RP1: variants seen among roughly 807,000 people sequenced by gnomAD.
RP1 encodes oxygen-regulated protein 1.
Under a neutral mutation model 14.8 loss-of-function variants are expected in RP1, and 16 were observed. The ratio of observed to expected loss-of-function variants is 1.08; its 90% CI spans 0.73 to 1.65. RP1 has a LOEUF of 1.65. Among genes scored for constraint, RP1 ranks in the 40% most tolerant of loss-of-function variants. The pLI, the probability that RP1 is intolerant of heterozygous loss-of-function variation, is 0.00. For synonymous variants in RP1, 876 were observed against 883.6 expected, an observed-to-expected ratio of 0.99 and a Z score of 0.15; for missense variants, 2,631 against 2,535.0, an observed-to-expected ratio of 1.04 and a Z score of -0.81.
intron 19 of RP1, among the ~76,000 whole-genome samples, chr8:54,752,773 G>T (rs921742082): frequency 6.6e-6 from 1 of 152,166 alleles, no homozygotes; most frequent in African/African-American, 2.4e-5. Context: ...GGATGTTGGA[G>T]GAAAACTGGA....
intron 28 of RP1, among the ~76,000 whole-genome samples, chr8:54,867,221 G>A (rs1812478378): frequency 6.6e-6 from 1 of 152,114 alleles, no homozygotes; most frequent in South Asian, 2.1e-4. Context: ...TTCGATTCTA[G>A]GAAATAGTCA....
intron 4 of RP1, among the ~76,000 whole-genome samples, chr8:54,651,311 G>A (rs1016275264): frequency 3.3e-5 from 5 of 152,032 alleles, no homozygotes; most frequent in African/African-American, 9.7e-5. Flanking sequence ...GAGTTAAAAA[G>A]TATTTCCACC....
upstream of RP1, among the ~76,000 whole-genome samples, chr8:54,614,873 C>T (rs1805679339): frequency 6.6e-6 from 1 of 152,110 alleles, no homozygotes; most frequent in African/African-American, 2.4e-5. Flanking sequence ...CAAAACAGAA[C>T]TGATCAATGT....
chr8:54,871,163 G>A (rs548376535), exon 29 of RP1: 1 of 150,472 alleles, frequency 6.6e-6, no homozygotes, highest in African/African-American at 2.4e-5. Flanking sequence ...AAATATCCAT[G>A]AAATCACTGA....
At chr8:54,688,611 T>A (rs1228068263) in intron 12 of RP1, among the ~76,000 whole-genome samples, 1 of 152,192 alleles carries the variant, frequency 6.6e-6, no homozygotes, top group African/African-American at 2.4e-5. Flanking sequence ...TTGTCAAAGA[T>A]CAGATGGTTG....
exon 28 of RP1, chr8:54,865,909 T>C: frequency 8.2e-7 from 1 of 1,221,528 alleles, no homozygotes; most frequent in East Asian, 3.2e-5. Context: ...GCTGTTTCTA[T>C]GCAACAGGTA....
chr8:54,584,395 T>C (rs1804868017), intron 1 of RP1, among the ~76,000 whole-genome samples: 1 of 152,224 alleles, frequency 6.6e-6, no homozygotes, highest in Non-Finnish European at 1.5e-5. Context: ...TTCTTTTGCA[T>C]TTGCTCAGGA....
rs772370251 is a variant in RP1 at position 54,621,580 on chromosome 8, G to A, written c.614G>A (p.Arg205Lys). 1.2e-6 allele frequency: 2 copies of A among 1,614,154 alleles called. No homozygotes were observed. The highest frequency in any genetic ancestry group is 1.7e-6 in the Non-Finnish European group (2 of 1,180,034). Residue 205 changes from arginine to lysine, a missense_variant and splice_region_variant, in exon 2 of 4, where the codon AGG becomes AAG. Physicochemically the swap from Arg to Lys is conservative, Grantham distance 26. Coordinates refer to ENST00000220676, the MANE Select transcript of RP1 (RefSeq NM_006269.2). Reference protein sequence around the residue: ...VVKLYATDGRRVPSLQAVILS... With the variant: ...VVKLYATDGRKVPSLQAVILS... The stretch of plus-strand genomic sequence containing the variant: ...AAGCTGTACGCTACGGACGGAAGGA[G>A]GGTGAGCGTTCTGGGGGCTCCTCGA...
chr8:54,694,867 G>C (rs1807816613), intron 12 of RP1, among the ~76,000 whole-genome samples: 1 of 151,998 alleles, frequency 6.6e-6, no homozygotes, highest in Non-Finnish European at 1.5e-5. Flanking sequence ...GCTAGCTTTT[G>C]AATGTGTTTG....
At chr8:54,696,386 A>G in intron 12 of RP1, 3 of 634,886 alleles carry the variant, frequency 4.7e-6, no homozygotes, top group Admixed American at 2.7e-5. Context: ...AACTTTGTGC[A>G]ACACTAGAAA....
At chr8:54,788,414 T>C (rs1359985746) in intron 24 of RP1, among the ~76,000 whole-genome samples, 1 of 152,198 alleles carries the variant, frequency 6.6e-6, no homozygotes, top group African/African-American at 2.4e-5. Flanking sequence ...TGTATGACTT[T>C]CTTTTCTCTC....
At chr8:54,667,899 T>C (rs768058878) in intron 7 of RP1, among the ~76,000 whole-genome samples, 2 of 152,142 alleles carry the variant, frequency 1.3e-5, no homozygotes, top group Non-Finnish European at 2.9e-5. Flanking sequence ...AGCCGAATTC[T>C]ACCAGAGGTA....
At chr8:54,719,444 T>G (rs1358969213) in intron 15 of RP1, among the ~76,000 whole-genome samples, 1 of 152,222 alleles carries the variant, frequency 6.6e-6, no homozygotes, top group Non-Finnish European at 1.5e-5. Context: ...AAATACTAGT[T>G]GCTATTGGAA....
chr8:54,694,662 G>A (rs1204402547), intron 12 of RP1, among the ~76,000 whole-genome samples: 1 of 152,070 alleles, frequency 6.6e-6, no homozygotes, highest in Admixed American at 6.6e-5. Flanking sequence ...GATCGGTGGT[G>A]ATATCCCCTT....
At chr8:54,604,263 G>T (rs1469483272) in intron 1 of RP1, among the ~76,000 whole-genome samples, 2 of 152,088 alleles carry the variant, frequency 1.3e-5, no homozygotes, top group Non-Finnish European at 2.9e-5. Flanking sequence ...GCTGAATTTT[G>T]TCAAAGGCCT....
chr8:54,686,244 C>T (rs773812322), intron 12 of RP1, among the ~76,000 whole-genome samples: 47 of 152,104 alleles, frequency 3.1e-4, no homozygotes, highest in Non-Finnish European at 6.0e-4. Flanking sequence ...CTCAGTGTCC[C>T]ATAAATTCAC....
At chr8:54,758,042 G>C (rs1202270487) in intron 21 of RP1, among the ~76,000 whole-genome samples, 2 of 152,142 alleles carry the variant, frequency 1.3e-5, no homozygotes, top group South Asian at 4.1e-4. Context: ...AATTTAACCT[G>C]GTAACAATGC....
At chr8:54,709,562 T>C (rs1307580548) in intron 15 of RP1, among the ~76,000 whole-genome samples, 1 of 152,166 alleles carries the variant, frequency 6.6e-6, no homozygotes, top group Admixed American at 6.5e-5. Context: ...GGGGAAGAGA[T>C]AGCCAAAATG....
chr8:54,855,310 T>C (rs1812164887), intron 26 of RP1, among the ~76,000 whole-genome samples: 1 of 152,220 alleles, frequency 6.6e-6, no homozygotes, highest in South Asian at 2.1e-4. Flanking sequence ...AGGACATCTT[T>C]CCTTTGAAAG....
Sources: allele counts gnomAD v4.1 joint callset (sites outside exome capture counted in the v4.1 genomes callset), GRCh38; gene constraint gnomAD v4.1.1; transcripts MANE v1.5; gene names NCBI Gene and HGNC (gene_info 2026-07-23, HGNC 2026-07-21).